The following MPHOSPH8 variants were observed in gnomAD, a reference collection of about 807,000 sequenced individuals.
MPHOSPH8 encodes M-phase phosphoprotein, mpp.
Under a neutral mutation model 87.3 loss-of-function variants are expected in MPHOSPH8, and 45 were observed. That is an observed-to-expected ratio of 0.52 (90% CI 0.41 to 0.66). MPHOSPH8 has a LOEUF of 0.66. Ranked by LOEUF, MPHOSPH8 falls within the 30% of genes least tolerant of loss-of-function variation. The pLI, the probability that MPHOSPH8 is intolerant of heterozygous loss-of-function variation, is 0.00. For missense variants in MPHOSPH8, 883 were observed against 1,020.2 expected (o/e 0.87, Z 1.83); for synonymous variants, 366 against 376.9 (o/e 0.97, Z 0.33).
At chr13:19,641,499 T>G (rs1221443600) in intron 1 of MPHOSPH8, among the ~76,000 whole-genome samples, 1 of 141,446 alleles carries the variant, frequency 7.1e-6, no homozygotes, top group Non-Finnish European at 1.5e-5. Context: ...TTTTTTTTTT[T>G]TTTTTTTTGA....
At chr13:19,638,561 C>T (rs912864017) in intron 1 of MPHOSPH8, among the ~76,000 whole-genome samples, 10 of 149,090 alleles carry the variant, frequency 6.7e-5, no homozygotes, top group African/African-American at 2.5e-4. Context: ...TGTGGTGAGC[C>T]GAGATCGTGA....
At chr13:19,659,631 C>G (rs534248603) in intron 7 of MPHOSPH8, 1 of 408,046 alleles carries the variant, frequency 2.5e-6, no homozygotes, top group Non-Finnish European at 4.8e-6. Flanking sequence ...ACCACTGCAC[C>G]CCAGCCTGGG....
chr13:19,664,072 T>C (rs185448913), intron 9 of MPHOSPH8, among the ~76,000 whole-genome samples: 1 of 152,216 alleles, frequency 6.6e-6, no homozygotes, highest in East Asian at 1.9e-4. Context: ...ATGCCTTGGC[T>C]TCCAGAGCTC....
rs956580427 is a variant in MPHOSPH8 at position 19,641,737 on chromosome 13, G to A, written c.214-378G>A. Reference sequence around the variant, plus strand: ...TCTTCAACTCCTGACCTCAGGTGATGCGCTTGCCTCGGCCTCCCAAAATGC... The same window carrying A: ...TCTTCAACTCCTGACCTCAGGTGATACGCTTGCCTCGGCCTCCCAAAATGC... On this transcript the variant is annotated intron_variant, in intron 1 of 13. Coordinates refer to ENST00000361479, the MANE Select transcript of MPHOSPH8 (RefSeq NM_017520.4). Among the ~76,000 whole-genome samples the A allele has an allele frequency of 3.3e-5, 5 of 151,830 alleles. No homozygotes were observed. In the East Asian group the frequency reaches 5.8e-4, roughly 18 times the overall value.
intron 4 of MPHOSPH8, among the ~76,000 whole-genome samples, chr13:19,649,121 G>T (rs1197166002): frequency 6.6e-6 from 1 of 152,186 alleles, no homozygotes; most frequent in Non-Finnish European, 1.5e-5. Flanking sequence ...GCAGGTGAAT[G>T]AAGTGGCAGG....
intron 1 of MPHOSPH8, among the ~76,000 whole-genome samples, chr13:19,638,171 A>G (rs912904100): frequency 5.3e-5 from 8 of 152,142 alleles, no homozygotes; most frequent in African/African-American, 1.9e-4. Flanking sequence ...ATATGCATAT[A>G]TTCTCAATGG....
At chr13:19,635,576 A>AGAT (rs1426071041) in intron 1 of MPHOSPH8, among the ~76,000 whole-genome samples, 2 of 152,228 alleles carry the variant, frequency 1.3e-5, no homozygotes, top group Non-Finnish European at 2.9e-5. Context: ...TTTAGAATTA[A>AGAT]GATGATTCTC....
intron 2 of MPHOSPH8, among the ~76,000 whole-genome samples, chr13:19,642,672 T>G (rs1874362241): frequency 6.6e-6 from 1 of 150,644 alleles, no homozygotes; most frequent in Admixed American, 6.6e-5. Flanking sequence ...AATTATCTGG[T>G]GAGGACCTGG....
intron 11 of MPHOSPH8, among the ~76,000 whole-genome samples, chr13:19,669,341 G>A (rs537356036): frequency 9.4e-5 from 14 of 148,332 alleles, no homozygotes; most frequent in African/African-American, 2.5e-4. Context: ...GCCACCGTGC[G>A]CGTTCAGTAA....
chr13:19,643,490 C>T (rs1055986074), intron 2 of MPHOSPH8, among the ~76,000 whole-genome samples: 7 of 152,120 alleles, frequency 4.6e-5, no homozygotes, highest in African/African-American at 7.2e-5. Flanking sequence ...AAGTAATCCT[C>T]GCACCTCGGC....
At chr13:19,652,880 A>C (rs1260844340) in intron 5 of MPHOSPH8, among the ~76,000 whole-genome samples, 1 of 152,094 alleles carries the variant, frequency 6.6e-6, no homozygotes, top group Non-Finnish European at 1.5e-5. Context: ...CTGCCTCTAG[A>C]TTCCTCCTCT....
intron 4 of MPHOSPH8, among the ~76,000 whole-genome samples, chr13:19,649,167 G>T (rs1874719045): frequency 6.6e-6 from 1 of 152,188 alleles, no homozygotes; most frequent in Admixed American, 6.5e-5. Context: ...ACATAAAGTG[G>T]CTGTAAGACT....
At chr13:19,636,878 A>T (rs1326903875) in intron 1 of MPHOSPH8, among the ~76,000 whole-genome samples, 2 of 152,208 alleles carry the variant, frequency 1.3e-5, no homozygotes, top group Non-Finnish European at 2.9e-5. Context: ...GATTAAAGGA[A>T]ACTTTGGCTA....
In MPHOSPH8 at chr13:19,639,836, G is replaced by A. The variant is rs183000992; in HGVS notation, c.214-2279G>A. On this transcript the variant is annotated intron_variant, in intron 1 of 13. Transcript: ENST00000361479. ...AAGAATTTTATGGGCCAGGCACAGA[G>A]GCTCATGCCTGTAATCTCAGCATTT... is the stretch of plus-strand genomic sequence containing the variant. Among the ~76,000 whole-genome samples the A allele has an allele frequency of 1.1e-4, 17 of 149,460 alleles. No homozygotes were observed. The East Asian group carries it at 2.7e-3, about 24-fold the overall frequency.
chr13:19,641,072 G>T (rs763652351), intron 1 of MPHOSPH8, among the ~76,000 whole-genome samples: 14 of 151,976 alleles, frequency 9.2e-5, no homozygotes, highest in African/African-American at 3.1e-4. Flanking sequence ...CAAGAATTAC[G>T]TACTGCTTTA....
In MPHOSPH8 at chr13:19,647,218, C is replaced by G. The variant is rs761196569; in HGVS notation, c.1145C>G (p.Ser382Cys). ...AAELEKLMPV[S>C]AQTPKGRRLS... The stretch of plus-strand genomic sequence containing the variant: ...GAGTTAGAGAAGCTGATGCCTGTAT[C>G]TGCCCAAACGCCAAAGGGCCGGAGG... The change falls in exon 3 of 14, where the codon TCT (serine) becomes TGT (cysteine). Residue 382 changes from serine to cysteine, a missense_variant. Transcript: ENST00000361479. The G allele has an allele frequency of 2.5e-6, 4 of 1,614,118 alleles. No homozygotes were observed. In the South Asian group the frequency reaches 3.3e-5, roughly 13 times the overall value.
chr13:19,655,233 T>C (rs531148614), intron 5 of MPHOSPH8, among the ~76,000 whole-genome samples: 2 of 152,230 alleles, frequency 1.3e-5, no homozygotes, highest in South Asian at 4.1e-4. Context: ...CTTAACACTT[T>C]GGGAGCTGAA....
intron 2 of MPHOSPH8, 90 bp downstream of exon 2, chr13:19,642,360 A>G (rs1874341839): frequency 9.0e-7 from 1 of 1,110,396 alleles, no homozygotes; most frequent in Non-Finnish European, 1.2e-6. Flanking sequence ...TGATTTACAA[A>G]TAACAAAGTG....
chr13:19,640,754 TACAC>T (rs769452505), intron 1 of MPHOSPH8, among the ~76,000 whole-genome samples: 4 of 152,076 alleles, frequency 2.6e-5, no homozygotes, highest in Admixed American at 6.6e-5. Flanking sequence ...TAATAAGAGA[TACAC>T]AGGGATATTA....
Sources: allele counts gnomAD v4.1 joint callset (sites outside exome capture counted in the v4.1 genomes callset), GRCh38; gene constraint gnomAD v4.1.1; transcripts MANE v1.5; gene names NCBI Gene and HGNC (gene_info 2026-07-23, HGNC 2026-07-21).